NDUFA10: variants seen among roughly 807,000 people sequenced by gnomAD.
NDUFA10 encodes NADH:ubiquinone oxidoreductase subunit A10, also known as NADH dehydrogenase [ubiquinone] 1 alpha subcomplex subunit 10, mitochondrial.
Under a neutral mutation model 47.8 loss-of-function variants are expected in NDUFA10, and 40 were observed. That is an observed-to-expected ratio of 0.84 (90% CI 0.65 to 1.09). The LOEUF (loss-of-function observed/expected upper bound fraction) is 1.09. Ranked by LOEUF, NDUFA10 falls within the 50% of genes least tolerant of loss-of-function variation. The probability of loss-of-function intolerance (pLI) is 0.00; values close to 1 mark genes in which losing one functional copy is unlikely to be tolerated. For synonymous variants in NDUFA10, 183 were observed against 172.2 expected, an observed-to-expected ratio of 1.06 and a Z score of -0.49; for missense variants, 413 against 451.1, an observed-to-expected ratio of 0.92 and a Z score of 0.76.
intron 4 of NDUFA10, among the ~76,000 whole-genome samples, chr2:239,922,363 G>A (rs141530022): frequency 6.6e-6 from 1 of 152,184 alleles, no homozygotes; most frequent in African/African-American, 2.4e-5. Flanking sequence ...CAGTCTCAGA[G>A]GGGCTCAAGG....
chr2:240,000,490 T>C (rs1696663850), intron 8 of NDUFA10, among the ~76,000 whole-genome samples: 1 of 152,088 alleles, frequency 6.6e-6, no homozygotes, highest in Admixed American at 6.5e-5. Context: ...AAAATTTAAG[T>C]TTATAAAGAA....
Position 240,006,881 on chromosome 2 carries a change from C to T in NDUFA10, c.804+435G>A, listed in dbSNP as rs537025243. 2.2e-3 allele frequency among the ~76,000 whole-genome samples: 330 copies of T among 152,260 alleles called. 4 individuals carry two copies. Among genetic ancestry groups the T allele is most frequent in the Non-Finnish European group, 5.3e-4 (36 of 68,012 alleles). On this transcript the variant is annotated intron_variant, in intron 7 of 9. Transcript: ENST00000252711. ...GTATGTGAGAGGGCAAATGTTCTTT[C>T]GTTATTCTTCTTCAGATGTTTTAAT...
At chr2:239,934,167 C>T (rs1225221796) in intron 4 of NDUFA10, among the ~76,000 whole-genome samples, 4 of 152,196 alleles carry the variant, frequency 2.6e-5, no homozygotes, top group African/African-American at 9.7e-5. Flanking sequence ...GTGTGAGCCA[C>T]CATGCCTGGC....
chr2:239,986,459 G>T (rs922949625), intron 9 of NDUFA10, among the ~76,000 whole-genome samples: 1 of 152,154 alleles, frequency 6.6e-6, no homozygotes, highest in East Asian at 1.9e-4. Context: ...TATGGACCAC[G>T]AGAGCACTAA....
chr2:239,917,823 A>G (rs1693902235), intron 4 of NDUFA10, among the ~76,000 whole-genome samples: 1 of 152,138 alleles, frequency 6.6e-6, no homozygotes, highest in South Asian at 2.1e-4. Context: ...CTCCTGCTTT[A>G]CCCCAAGGTC....
In NDUFA10 at chr2:239,959,975, G is replaced by A; in HGVS notation, c.*1143C>T. 1 of 985,484 alleles carries A rather than the reference G, an allele frequency of 1.0e-6. No homozygotes were observed. Among genetic ancestry groups the A allele is most frequent in the Non-Finnish European group, 1.2e-6 (1 of 829,928 alleles). 61.0% of individuals were successfully genotyped at this position (985,484 alleles called of 1,614,324 possible). On this transcript the variant is annotated 3_prime_UTR_variant, in exon 10 of 10. Transcript: ENST00000252711. The stretch of plus-strand genomic sequence containing the variant: ...GAGCATCGTCCTCTGCACCAGCACT[G>A]GAACTACTGCCCACAGGCGGCTGTG...
chr2:239,989,179 C>T (rs1201969912), intron 9 of NDUFA10, among the ~76,000 whole-genome samples: 1 of 152,198 alleles, frequency 6.6e-6, no homozygotes, highest in African/African-American at 2.4e-5. Flanking sequence ...GTGTTTTCCC[C>T]AAATCCTCAC....
rs1442310544 is a variant in NDUFA10, at chr2:239,960,816, G to A, written c.*302C>T. The A allele has an allele frequency of 1.5e-5, 20 of 1,307,650 alleles. No individual in the cohort carries two copies. The highest frequency in any genetic ancestry group is 3.1e-5 in the South Asian group (2 of 65,280). 81.0% of individuals were successfully genotyped at this position (1,307,650 alleles called of 1,614,324 possible). A position where few individuals can be genotyped will look rare whatever the true frequency, so the allele number is the denominator to read the frequency against. Reference sequence around the variant, plus strand: ...AACCTGAATGACACAGAGCGGCAGCGCTGAAACCACAGGGGCTGCCGAGAG... The same window carrying A: ...AACCTGAATGACACAGAGCGGCAGCACTGAAACCACAGGGGCTGCCGAGAG... On this transcript the variant is annotated 3_prime_UTR_variant, in exon 10 of 10. Transcript: ENST00000252711.
chr2:240,022,107 A>C (rs1697646981), intron 2 of NDUFA10, 65 bp downstream of exon 2: 2 of 1,429,204 alleles, frequency 1.4e-6, no homozygotes, highest in African/African-American at 2.8e-5. Context: ...TTGAAGAAAA[A>C]CCAGTGAAAT....
At chr2:239,973,245 C>T (rs1695372991) in intron 9 of NDUFA10, among the ~76,000 whole-genome samples, 1 of 152,228 alleles carries the variant, frequency 6.6e-6, no homozygotes, top group African/African-American at 2.4e-5. Flanking sequence ...TATTTTAACA[C>T]AACTAGATAC....
rs562168694 is a variant in NDUFA10, at chr2:239,942,620, AT to A, written c.295-47307del. ...GTTCTCTTAGGCAAAGCACAGGAATATTTTTTTTTTCTGTTCACGAGCTGTG... is the reference window on the plus strand; with the variant it reads ...GTTCTCTTAGGCAAAGCACAGGAATATTTTTTTTTCTGTTCACGAGCTGTG... On this transcript the variant is annotated intron_variant, in intron 4 of 5. Transcript: ENST00000419408. Among the ~76,000 whole-genome samples the A allele has an allele frequency of 3.7e-3, 562 of 149,908 alleles. 3 individuals carry two copies. Among genetic ancestry groups the A allele is most frequent in the South Asian group, 7.9e-3 (37 of 4,710 alleles).
chr2:239,920,928 G>C (rs900338280), intron 4 of NDUFA10, among the ~76,000 whole-genome samples: 1 of 152,162 alleles, frequency 6.6e-6, no homozygotes, highest in Non-Finnish European at 1.5e-5. Flanking sequence ...CAGGTGGGCA[G>C]GTTTCTCCTG....
intron 4 of NDUFA10, among the ~76,000 whole-genome samples, chr2:239,916,865 T>G (rs1693889138): frequency 6.6e-6 from 1 of 152,238 alleles, no homozygotes; most frequent in Non-Finnish European, 1.5e-5. Context: ...CACCATCCCT[T>G]TGGCCATTAT....
chr2:239,940,792 A>G (rs1175769967), intron 4 of NDUFA10, among the ~76,000 whole-genome samples: 7 of 152,216 alleles, frequency 4.6e-5, no homozygotes, highest in Non-Finnish European at 8.8e-5. Flanking sequence ...TGGGGATGGG[A>G]GGTATTCACT....
chr2:239,970,151 A>G (rs368039125), intron 9 of NDUFA10, among the ~76,000 whole-genome samples: 2 of 152,198 alleles, frequency 1.3e-5, no homozygotes, highest in African/African-American at 4.8e-5. Flanking sequence ...ACAAACAACC[A>G]AAGGGAAAAA....
At chr2:239,934,579 T>C (rs1694232166) in intron 4 of NDUFA10, among the ~76,000 whole-genome samples, 1 of 152,192 alleles carries the variant, frequency 6.6e-6, no homozygotes, top group Non-Finnish European at 1.5e-5. Flanking sequence ...TTACCCATCA[T>C]CTTAAACATT....
chr2:239,914,649 TAC>T (rs1281672549), intron 4 of NDUFA10, among the ~76,000 whole-genome samples: 3 of 66,504 alleles, frequency 4.5e-5, no homozygotes, highest in African/African-American at 8.3e-5. Flanking sequence ...CACACATACA[TAC>T]ACAGACACAC....
downstream of NDUFA10, among the ~76,000 whole-genome samples, chr2:239,955,865 A>G (rs1694642381): frequency 6.6e-6 from 1 of 151,962 alleles, no homozygotes. Flanking sequence ...TGCAACCTCA[A>G]CTCCAACCTG....
At chr2:239,997,616 T>C (rs1304348113) in intron 8 of NDUFA10, among the ~76,000 whole-genome samples, 1 of 152,148 alleles carries the variant, frequency 6.6e-6, no homozygotes. Flanking sequence ...TAACCTGAAA[T>C]TGAACAAGAA....
Sources: allele counts gnomAD v4.1 joint callset (sites outside exome capture counted in the v4.1 genomes callset), GRCh38; gene constraint gnomAD v4.1.1; transcripts MANE v1.5; gene names NCBI Gene and HGNC (gene_info 2026-07-23, HGNC 2026-07-21).